The following FMN2 variants were observed in gnomAD, a reference collection of about 807,000 sequenced individuals.
The protein encoded by FMN2 is formin-2.
In FMN2, 51 loss-of-function variants were observed where a neutral mutation model predicts 142.3. The ratio of observed to expected loss-of-function variants is 0.36; its 90% CI spans 0.29 to 0.45. The LOEUF (loss-of-function observed/expected upper bound fraction) is 0.45. Ranked by LOEUF, FMN2 falls within the 20% of genes least tolerant of loss-of-function variation. FMN2 has a pLI of 1.00. For missense variants in FMN2, 1,936 were observed against 2,122.8 expected, an observed-to-expected ratio of 0.91 and a Z score of 1.73; for synonymous variants, 882 against 869.8, an observed-to-expected ratio of 1.01 and a Z score of -0.25.
Position 240,345,519 on chromosome 1 carries a change from G to A in FMN2, c.4766-10297G>A, listed in dbSNP as rs533148941. The stretch of plus-strand genomic sequence containing the variant: ...AGAGTCTTGCTCTGTCGCCCAGGCT[G>A]GAGTGCAGTGGCCTGATCTCGACTC... On this transcript the variant is annotated intron_variant, in intron 13 of 17. Coordinates refer to ENST00000319653, the MANE Select transcript of FMN2 (RefSeq NM_020066.5). Among the ~76,000 whole-genome samples the A allele has an allele frequency of 3.3e-5, 5 of 152,216 alleles. No homozygotes were observed. The South Asian group carries it at 8.3e-4, about 25-fold the overall frequency.
At position 240,297,905 on chromosome 1, in the gene FMN2, G is replaced by A. The variant is rs111902675; in HGVS notation, c.4215+3022G>A. Among the ~76,000 whole-genome samples the A allele has an allele frequency of 7.1e-3, 1,081 of 152,252 alleles. 15 individuals carry two copies. Among genetic ancestry groups the A allele is most frequent in the African/African-American group, 0.024 (1,011 of 41,560 alleles). ...CTCTTCCAGGTTCACAGACTGCGGTGTTCTTGCTGTAACCTCACATGGTAG... is the reference window on the plus strand; with the variant it reads ...CTCTTCCAGGTTCACAGACTGCGGTATTCTTGCTGTAACCTCACATGGTAG... On this transcript the variant is annotated intron_variant, in intron 8 of 17. Transcript: ENST00000319653.
chr1:240,146,844 T>G (rs562064822), intron 2 of FMN2, among the ~76,000 whole-genome samples: 1 of 152,250 alleles, frequency 6.6e-6, no homozygotes, highest in South Asian at 2.1e-4. Context: ...ATTGTACCAT[T>G]TCACTTGACA....
chr1:240,131,338 T>C (rs1396948231), intron 2 of FMN2, among the ~76,000 whole-genome samples: 1 of 152,160 alleles, frequency 6.6e-6, no homozygotes, highest in Non-Finnish European at 1.5e-5. Context: ...CTGGGTCTCC[T>C]TGATAACTCA....
chr1:240,341,030 T>C (rs573257310), intron 13 of FMN2, among the ~76,000 whole-genome samples: 2 of 152,302 alleles, frequency 1.3e-5, no homozygotes, highest in East Asian at 3.9e-4. Flanking sequence ...ATCTCTTTCA[T>C]GTGTTTAAAA....
Position 240,093,383 on chromosome 1 carries a change from A to G in FMN2, c.1274A>G (p.Gln425Arg). ...TPCYIKTTTR[Q>R]LSSPNHSPSQ... The stretch of plus-strand genomic sequence containing the variant: ...TGCTACATCAAGACCACCACCCGGC[A>G]GCTCAGCTCGCCCAATCACTCCCCG... Residue 425 changes from glutamine (Q) to arginine (R), a missense_variant, in exon 1 of 18, where the codon CAG (glutamine) becomes CGG (arginine). Gln to Arg is a conservative substitution (Grantham distance 43). This residue lies in a region of FMN2 where 751 missense variants were observed against 791.8 expected (regional missense o/e 0.95). Transcript: ENST00000319653. 1 of 1,613,242 alleles carries G rather than the reference A, an allele frequency of 6.2e-7. No individual in the cohort carries two copies. The highest frequency in any genetic ancestry group is 8.5e-7 in the Non-Finnish European group (1 of 1,179,632).
At chr1:240,326,509 C>A (rs577895184) in intron 8 of FMN2, among the ~76,000 whole-genome samples, 2 of 152,252 alleles carry the variant, frequency 1.3e-5, no homozygotes, top group South Asian at 4.1e-4. Context: ...TTACTTTAGC[C>A]ATCTTTTTGC....
chr1:240,166,158 T>A (rs1469644879), intron 2 of FMN2, among the ~76,000 whole-genome samples: 1 of 148,726 alleles, frequency 6.7e-6, no homozygotes, highest in Non-Finnish European at 1.5e-5. Context: ...AAATATAAAA[T>A]ATATATATAT....
chr1:240,168,494 T>TGGGA (rs1045017379), intron 2 of FMN2, among the ~76,000 whole-genome samples: 10 of 152,114 alleles, frequency 6.6e-5, no homozygotes, highest in African/African-American at 2.2e-4. Flanking sequence ...GAGGCTGAGG[T>TGGGA]GGGAGGATGG....
rs1038124497 is a variant in FMN2 at position 240,402,372 on chromosome 1, C to A, written c.4910+9810C>A. Among the ~76,000 whole-genome samples, 6 of 152,208 alleles carry A rather than the reference C, an allele frequency of 3.9e-5. No homozygotes were observed. In the South Asian group the frequency reaches 1.2e-3, roughly 32 times the overall value. ...AATCTAGAAAGTGGAACTTTGAGCT[C>A]CTTTTTCACATGAGCAAAACTGTAT... On this transcript the variant is annotated intron_variant, in intron 15 of 17. Transcript: ENST00000319653.
At chr1:240,123,935 G>A (rs1316230783) in intron 2 of FMN2, among the ~76,000 whole-genome samples, 1 of 152,182 alleles carries the variant, frequency 6.6e-6, no homozygotes, top group Non-Finnish European at 1.5e-5. Flanking sequence ...TGTCCTGTTT[G>A]TGGCTGACTT....
chr1:240,317,131 A>G (rs754358891), intron 8 of FMN2, among the ~76,000 whole-genome samples: 2 of 152,132 alleles, frequency 1.3e-5, no homozygotes, highest in Non-Finnish European at 2.9e-5. Context: ...ATCCTGGCCA[A>G]CATGGTGAAA....
intron 2 of FMN2, among the ~76,000 whole-genome samples, chr1:240,146,665 C>CAATA (rs1334484529): frequency 1.3e-5 from 2 of 151,868 alleles, no homozygotes; most frequent in South Asian, 2.1e-4. Flanking sequence ...GACTTTGTCT[C>CAATA]AATAAATAAA....
rs532587403 is a variant in FMN2, at chr1:240,349,578, T to G, written c.4766-6238T>G. 1.1e-4 allele frequency among the ~76,000 whole-genome samples: 16 copies of G among 152,332 alleles called. No individual in the cohort carries two copies. In the South Asian group the frequency reaches 3.3e-3, roughly 32 times the overall value. Reference sequence around the variant, plus strand: ...TGTCCTTGCTTTAATCTGACAGTGATAAACTGGTGTTTGCCCCACAACGTG... The same window carrying G: ...TGTCCTTGCTTTAATCTGACAGTGAGAAACTGGTGTTTGCCCCACAACGTG... On this transcript the variant is annotated intron_variant, in intron 13 of 17. Coordinates refer to ENST00000319653, the MANE Select transcript of FMN2 (RefSeq NM_020066.5).
intron 16 of FMN2, among the ~76,000 whole-genome samples, chr1:240,464,878 T>A (rs1676562051): frequency 6.6e-6 from 1 of 152,204 alleles, no homozygotes; most frequent in South Asian, 2.1e-4. Context: ...TTTGTGCTCA[T>A]TCGAGTTGTG....
chr1:240,145,077 G>A (rs376379473), intron 2 of FMN2: 62 of 1,435,278 alleles, frequency 4.3e-5, no homozygotes, highest in African/African-American at 4.3e-4. Context: ...TAGTGTGGAC[G>A]CAGACATTTG....
chr1:240,397,893 T>C (rs1673839099), intron 15 of FMN2, among the ~76,000 whole-genome samples: 1 of 151,630 alleles, frequency 6.6e-6, no homozygotes, highest in Non-Finnish European at 1.5e-5. Flanking sequence ...CCTGGCCAAG[T>C]TGACACATAA....
At chr1:240,216,820 A>T (rs1200810454) in intron 6 of FMN2, among the ~76,000 whole-genome samples, 1 of 152,034 alleles carries the variant, frequency 6.6e-6, no homozygotes, top group Non-Finnish European at 1.5e-5. Flanking sequence ...GTAGTGGTGG[A>T]TGCCTGTAAT....
chr1:240,278,323 C>T (rs759191188), intron 7 of FMN2, among the ~76,000 whole-genome samples: 8 of 152,128 alleles, frequency 5.3e-5, no homozygotes, highest in African/African-American at 7.2e-5. Context: ...AAAGACATGA[C>T]GTGACTCTTC....
intron 6 of FMN2, among the ~76,000 whole-genome samples, chr1:240,247,483 CAA>C (rs1668120060): frequency 7.3e-6 from 1 of 137,088 alleles, no homozygotes; most frequent in African/African-American, 2.8e-5. Context: ...GCCTGGGCAA[CAA>C]GAGCAAAACT....
Sources: allele counts gnomAD v4.1 joint callset (sites outside exome capture counted in the v4.1 genomes callset), GRCh38; gene constraint gnomAD v4.1.1; regional missense constraint gnomAD v4.1.1; transcripts MANE v1.5; gene names NCBI Gene and HGNC (gene_info 2026-07-23, HGNC 2026-07-21).